ABCA13: variants seen among roughly 807,000 people sequenced by gnomAD.
ABCA13 encodes ATP binding cassette subfamily A member 13.
Under a neutral mutation model 478.7 loss-of-function variants are expected in ABCA13, and 476 were observed. That is an observed-to-expected ratio of 0.99 (90% CI 0.92 to 1.07). ABCA13 has a LOEUF of 1.07. Among genes scored for constraint, ABCA13 ranks in the 50% least tolerant of loss-of-function variants. The pLI is 0.00. For synonymous variants in ABCA13, 2,252 were observed against 2,158.9 expected, an observed-to-expected ratio of 1.04 and a Z score of -1.20; for missense variants, 6,060 against 5,910.6, an observed-to-expected ratio of 1.03 and a Z score of -0.83.
chr7:48,187,009 A>G (rs972633862), intron 1 of ABCA13, among the ~76,000 whole-genome samples: 31 of 140,560 alleles, frequency 2.2e-4, no homozygotes, highest in African/African-American at 7.2e-4. Context: ...GCATATATAT[A>G]TGTGTGTGTG....
intron 23 of ABCA13, among the ~76,000 whole-genome samples, chr7:48,307,454 G>A (rs902896279): frequency 2.6e-5 from 4 of 152,116 alleles, no homozygotes; most frequent in African/African-American, 9.7e-5. Context: ...TAAATAAAAT[G>A]GTATGCCTGT....
intron 7 of ABCA13, among the ~76,000 whole-genome samples, chr7:48,230,745 ATCCG>A (rs767220471): frequency 0.012 from 1,760 of 149,958 alleles, 13 homozygotes; most frequent in Non-Finnish European, 0.019. Context: ...TAATCCATCC[ATCCG>A]TCCATCCATC....
At chr7:48,516,914 CTGCACCTCTAG>C in intron 52 of ABCA13, 33 bp downstream of exon 52, 2 of 1,598,984 alleles carry the variant, frequency 1.3e-6, no homozygotes, top group Non-Finnish European at 1.7e-6. Flanking sequence ...CTCTACACTT[CTGCACCTCTAG>C]TGCAAAGACG....
rs530062826 is a variant in ABCA13, at chr7:48,274,536, A to T, written c.4870A>T (p.Ile1624Leu). The stretch of plus-strand genomic sequence containing the variant: ...ACCAAAAATAATAATTTCACCTGAA[A>T]TAATGAAAGCTACAGGTCTTGGTAT... ...NSPKIIISPE[I>L]MKATGLGIQL... Residue 1624 changes from isoleucine (I) to leucine (L), a missense_variant, in exon 17 of 62, where the codon ATA becomes TTA. This residue lies in a region of ABCA13 where 4,423 missense variants were observed against 4,309.1 expected (regional missense o/e 1.03). Coordinates refer to ENST00000435803, the MANE Select transcript of ABCA13 (RefSeq NM_152701.5). 3.2e-5 allele frequency: 51 copies of T among 1,613,902 alleles called. No individual in the cohort carries two copies. The South Asian group carries it at 5.1e-4, about 16-fold the overall frequency.
intron 58 of ABCA13, among the ~76,000 whole-genome samples, chr7:48,603,038 A>G (rs879973091): frequency 6.6e-6 from 1 of 151,860 alleles, no homozygotes; most frequent in East Asian, 1.9e-4. Flanking sequence ...TTTGTCTGTT[A>G]TTGGTATATA....
chr7:48,580,499 C>T, intron 56 of ABCA13, 125 bp downstream of exon 56: 1 of 816,354 alleles, frequency 1.2e-6, no homozygotes, highest in Non-Finnish European at 1.9e-6. Flanking sequence ...ATAAACTTAC[C>T]TGCAAGAGAT....
intron 15 of ABCA13, among the ~76,000 whole-genome samples, chr7:48,263,832 T>C (rs1364890271): frequency 6.6e-6 from 1 of 151,910 alleles, no homozygotes; most frequent in East Asian, 1.9e-4. Context: ...CATACAGGCA[T>C]GCAATGTGTA....
rs368066530 is a variant in ABCA13 at position 48,455,150 on chromosome 7, C to T, written c.12679C>T (p.Leu4227Phe). ...CACGCTGCGCGCCGGGAAGAGCACC[C>T]TCGCCGACCTGCTGCTGCCAGTCCT... ...RRTLRAGKST[L>F]ADLLLPVLFV... Residue 4227 changes from leucine to phenylalanine, a missense_variant, in exon 43 of 62, where the codon CTC becomes TTC. By Grantham distance (22) the Leu-to-Phe change is conservative. Around this residue, in one of 3 missense-constraint regions of ABCA13, gnomAD observed 1,627 missense variants for 1,571.0 expected, o/e 1.04. Coordinates refer to ENST00000435803, the MANE Select transcript of ABCA13 (RefSeq NM_152701.5). 1.5e-5 allele frequency: 23 copies of T among 1,578,116 alleles called. No homozygotes were observed. In the South Asian group the frequency reaches 1.9e-4, roughly 13 times the overall value.
At chr7:48,238,539 G>A (rs1010143187) in intron 8 of ABCA13, among the ~76,000 whole-genome samples, 4 of 150,136 alleles carry the variant, frequency 2.7e-5, no homozygotes, top group Non-Finnish European at 2.9e-5. Flanking sequence ...CACGATCTCC[G>A]CTCACTGCAA....
chr7:48,638,544 G>C (rs1313194224), intron 59 of ABCA13, among the ~76,000 whole-genome samples: 1 of 152,134 alleles, frequency 6.6e-6, no homozygotes, highest in Non-Finnish European at 1.5e-5. Context: ...TTTGTCAAAG[G>C]CTCTCTTTAT....
At chr7:48,590,295 TGAGAGAGAG>T (rs1789589906) in intron 57 of ABCA13, among the ~76,000 whole-genome samples, 7 of 145,118 alleles carry the variant, frequency 4.8e-5, no homozygotes, top group Non-Finnish European at 4.6e-5. Flanking sequence ...ACACACACAG[TGAGAGAGAG>T]GAGAGAGAGA....
chr7:48,520,057 A>G lies in ABCA13; in HGVS notation c.13814A>G (p.Tyr4605Cys), dbSNP rs749920136. 5 of 1,612,134 alleles carry G rather than the reference A, an allele frequency of 3.1e-6. No homozygotes were observed. The highest frequency in any genetic ancestry group is 2.2e-5 in the South Asian group (2 of 90,836). ...ACTGTGCAGAATTTACAGAATATCTATGATGTCCTCAAGTGGGTCTTTACT... is the reference window on the plus strand; with the variant it reads ...ACTGTGCAGAATTTACAGAATATCTGTGATGTCCTCAAGTGGGTCTTTACT... Reference protein sequence around the residue: ...ISKAKNLQNIYDVLKWVFTIF... With the variant: ...ISKAKNLQNICDVLKWVFTIF... The change falls in exon 53 of 62, where the codon TAT (tyrosine) becomes TGT (cysteine). Residue 4605 changes from tyrosine to cysteine, a missense_variant. By Grantham distance (194) the Tyr-to-Cys change is radical. Around this residue, in one of 3 missense-constraint regions of ABCA13, gnomAD observed 1,627 missense variants for 1,571.0 expected, o/e 1.04. Coordinates refer to ENST00000435803, the MANE Select transcript of ABCA13 (RefSeq NM_152701.5).
Position 48,406,700 on chromosome 7 carries a change from C to T in ABCA13, c.12070+2821C>T, listed in dbSNP as rs182906530. On this transcript the variant is annotated intron_variant, in intron 39 of 61. Transcript: ENST00000435803. ...CCATCCTGGCCAATATGATGAAACC[C>T]TGTCTCTACTAAAAATACAAAAATT... 3.6e-3 allele frequency among the ~76,000 whole-genome samples: 548 copies of T among 152,022 alleles called. 2 individuals carry two copies. Among genetic ancestry groups the T allele is most frequent in the Non-Finnish European group, 5.8e-3 (394 of 67,964 alleles).
chr7:48,577,786 A>G (rs184941206), intron 55 of ABCA13, among the ~76,000 whole-genome samples: 123 of 152,290 alleles, frequency 8.1e-4, no homozygotes, highest in African/African-American at 2.9e-3. Context: ...AAGGAAAACT[A>G]TAGCCTAGTA....
At chr7:48,492,924 G>A (rs956567385) in intron 48 of ABCA13, among the ~76,000 whole-genome samples, 5 of 152,074 alleles carry the variant, frequency 3.3e-5, no homozygotes, top group Non-Finnish European at 1.5e-5. Flanking sequence ...TACTTGGGAG[G>A]CTGAGGCAGG....
At position 48,569,808 on chromosome 7, in the gene ABCA13, C is replaced by T. The variant is rs190694883; in HGVS notation, c.14355-10416C>T. On this transcript the variant is annotated intron_variant, in intron 55 of 61. Coordinates refer to ENST00000435803, the MANE Select transcript of ABCA13 (RefSeq NM_152701.5). ...CCAAAGTGCTAGAATTACAGGCTTG[C>T]GCTACTGCACCCAGCTAATAAGTCT... Among the ~76,000 whole-genome samples the T allele has an allele frequency of 2.4e-4, 36 of 152,198 alleles. No homozygotes were observed. In the East Asian group the frequency reaches 3.7e-3, roughly 16 times the overall value.
At chr7:48,605,377 T>C (rs567092658) in intron 58 of ABCA13, among the ~76,000 whole-genome samples, 1 of 152,356 alleles carries the variant, frequency 6.6e-6, no homozygotes, top group East Asian at 1.9e-4. Context: ...CAGTTGTTCC[T>C]TTACATGTTC....
intron 55 of ABCA13, among the ~76,000 whole-genome samples, chr7:48,553,672 G>C (rs1785524675): frequency 6.6e-6 from 1 of 151,824 alleles, no homozygotes; most frequent in Admixed American, 6.6e-5. Context: ...GATTTTTCCT[G>C]TATATCTGTT....
intron 53 of ABCA13, 113 bp downstream of exon 53, chr7:48,520,407 C>G: frequency 3.2e-6 from 4 of 1,251,500 alleles, no homozygotes; most frequent in Non-Finnish European, 4.3e-6. Context: ...CAGCATTATA[C>G]ATAGTTCTAA....
Sources: allele counts gnomAD v4.1 joint callset (sites outside exome capture counted in the v4.1 genomes callset), GRCh38; gene constraint gnomAD v4.1.1; regional missense constraint gnomAD v4.1.1; transcripts MANE v1.5; gene names NCBI Gene and HGNC (gene_info 2026-07-23, HGNC 2026-07-21).